GALNT13: variants seen among roughly 807,000 people sequenced by gnomAD.
The protein encoded by GALNT13 is UDP-GalNAc:polypeptide N-acetylgalactosaminyltransferase 13.
Under a neutral mutation model 64.2 loss-of-function variants are expected in GALNT13, and 28 were observed. That is an observed-to-expected ratio of 0.44 (90% confidence interval 0.32 to 0.60). GALNT13 has a LOEUF of 0.60. Ranked by LOEUF, GALNT13 falls within the 20% of genes least tolerant of loss-of-function variation. GALNT13 has a pLI of 0.05. For missense variants in GALNT13, 577 were observed against 669.8 expected (o/e 0.86, Z 1.53); for synonymous variants, 214 against 224.6 (o/e 0.95, Z 0.42).
chr2:154,096,766 G>A (rs1702090795), intron 3 of GALNT13, among the ~76,000 whole-genome samples: 1 of 152,028 alleles, frequency 6.6e-6, no homozygotes, highest in Non-Finnish European at 1.5e-5. Flanking sequence ...TAAATAGCAT[G>A]CTTCTTCCCT....
the GALNT13 span, among the ~76,000 whole-genome samples, chr2:153,444,893 A>C: frequency 1.3e-5 from 2 of 152,188 alleles, no homozygotes; most frequent in African/African-American, 4.8e-5. Context: ...GTCTTGTGTC[A>C]ATATAGATTT....
At chr2:153,941,076 G>T (rs1691305747) in intron 2 of GALNT13, among the ~76,000 whole-genome samples, 1 of 151,924 alleles carries the variant, frequency 6.6e-6, no homozygotes, top group African/African-American at 2.4e-5. Flanking sequence ...TTTTTTTTGA[G>T]ATGGAGTTTC....
chr2:153,155,829 G>A, the GALNT13 span, among the ~76,000 whole-genome samples: 12 of 151,898 alleles, frequency 7.9e-5, no homozygotes, highest in Admixed American at 7.2e-4. Context: ...AAAAGAGGTT[G>A]AAAAATTTGA....
At chr2:154,006,214 G>A (rs761677527) in intron 3 of GALNT13, among the ~76,000 whole-genome samples, 2 of 152,130 alleles carry the variant, frequency 1.3e-5, no homozygotes, top group Non-Finnish European at 2.9e-5. Flanking sequence ...ATTTATTAAT[G>A]ATTAGTTATC....
At chr2:153,914,615 T>G (rs1689203140) in intron 2 of GALNT13, among the ~76,000 whole-genome samples, 1 of 152,184 alleles carries the variant, frequency 6.6e-6, no homozygotes, top group Non-Finnish European at 1.5e-5. Flanking sequence ...TTTTATCAAA[T>G]GCTTCTGCCT....
intron 4 of GALNT13, among the ~76,000 whole-genome samples, chr2:154,229,546 A>G (rs960969733): frequency 1.3e-5 from 2 of 152,094 alleles, no homozygotes; most frequent in African/African-American, 4.8e-5. Flanking sequence ...CCAATATCCT[A>G]TTTATATAAG....
At chr2:154,196,151 T>C (rs1331571726) in intron 4 of GALNT13, among the ~76,000 whole-genome samples, 1 of 152,068 alleles carries the variant, frequency 6.6e-6, no homozygotes, top group East Asian at 1.9e-4. Context: ...AAATACAAGA[T>C]TGTAAAGCCT....
intron 1 of GALNT13, among the ~76,000 whole-genome samples, chr2:153,887,081 A>G (rs1687231273): frequency 6.6e-6 from 1 of 151,984 alleles, no homozygotes; most frequent in African/African-American, 2.4e-5. Flanking sequence ...GATAACATGA[A>G]TACAACCCAG....
At chr2:154,087,077 T>G (rs951208001) in intron 3 of GALNT13, among the ~76,000 whole-genome samples, 1 of 152,106 alleles carries the variant, frequency 6.6e-6, no homozygotes. Flanking sequence ...ATTGTTCATA[T>G]GTGCAGATTT....
chr2:153,121,593 A>G, the GALNT13 span, among the ~76,000 whole-genome samples: 41 of 152,210 alleles, frequency 2.7e-4, no homozygotes, highest in East Asian at 7.9e-3. Context: ...GTACAATGGC[A>G]TGATCTTGGC....
At chr2:153,958,526 T>C (rs1445315700) in intron 3 of GALNT13, among the ~76,000 whole-genome samples, 1 of 152,218 alleles carries the variant, frequency 6.6e-6, no homozygotes, top group East Asian at 1.9e-4. Flanking sequence ...TTTCTTCTTC[T>C]TTTAGCCAAA....
At chr2:153,379,271 T>C in the GALNT13 span, among the ~76,000 whole-genome samples, 1 of 152,188 alleles carries the variant, frequency 6.6e-6, no homozygotes, top group Non-Finnish European at 1.5e-5. Flanking sequence ...GTATATTCCA[T>C]CTGGCTCATA....
chr2:153,629,527 C>T, the GALNT13 span, among the ~76,000 whole-genome samples: 13 of 152,042 alleles, frequency 8.6e-5, no homozygotes, highest in Middle Eastern at 0.014. Flanking sequence ...CAATGTTAGA[C>T]GTAAAACTAT....
intron 8 of GALNT13, among the ~76,000 whole-genome samples, chr2:154,296,806 A>G (rs953836929): frequency 1.3e-5 from 2 of 152,022 alleles, no homozygotes; most frequent in African/African-American, 4.8e-5. Context: ...AGTCTGGGAT[A>G]CATGTGCAGA....
chr2:153,329,968 G>T, the GALNT13 span, among the ~76,000 whole-genome samples: 3 of 152,166 alleles, frequency 2.0e-5, no homozygotes, highest in Admixed American at 6.5e-5. Context: ...GTGAAAGGCA[G>T]CAGTCCAGTT....
At chr2:153,625,201 C>T in the GALNT13 span, among the ~76,000 whole-genome samples, 12 of 152,004 alleles carry the variant, frequency 7.9e-5, no homozygotes, top group South Asian at 2.1e-4. Context: ...TAGATTAAGG[C>T]GGTCTTTCAG....
At chr2:154,327,915 A>G (rs1694962629) in intron 9 of GALNT13, among the ~76,000 whole-genome samples, 1 of 152,148 alleles carries the variant, frequency 6.6e-6, no homozygotes, top group Non-Finnish European at 1.5e-5. Context: ...ATCAATTGTC[A>G]TACAAGATAT....
At chr2:153,115,460 A>G in the GALNT13 span, among the ~76,000 whole-genome samples, 1 of 152,150 alleles carries the variant, frequency 6.6e-6, no homozygotes, top group Admixed American at 6.6e-5. Flanking sequence ...GCTTTTTCTC[A>G]TGTTTTCACT....
the GALNT13 span, among the ~76,000 whole-genome samples, chr2:153,155,526 T>C: frequency 1.3e-5 from 2 of 152,174 alleles, no homozygotes; most frequent in Non-Finnish European, 2.9e-5. Context: ...GTTCATAATA[T>C]TATCTGATGG....
Sources: allele counts gnomAD v4.1 joint callset (sites outside exome capture counted in the v4.1 genomes callset), GRCh38; gene constraint gnomAD v4.1.1; transcripts MANE v1.5; gene names NCBI Gene and HGNC (gene_info 2026-07-23, HGNC 2026-07-21).